ANAPC13: variants seen among roughly 807,000 people sequenced by gnomAD.
ANAPC13 encodes anaphase-promoting complex subunit 13.
In ANAPC13, 9 loss-of-function variants were observed where a neutral mutation model predicts 9.6. The observed-to-expected ratio is 0.94, with a 90% CI of 0.57 to 1.64. The LOEUF (loss-of-function observed/expected upper bound fraction) is 1.64, where lower values mean the gene tolerates loss of function less well. ANAPC13 is among the 40% of genes most tolerant of loss of function. The pLI is 0.00. For synonymous variants in ANAPC13, 30 were observed against 29.7 expected, an observed-to-expected ratio of 1.01 and a Z score of -0.03; for missense variants, 75 against 85.3, an observed-to-expected ratio of 0.88 and a Z score of 0.48.
intron 1 of ANAPC13, among the ~76,000 whole-genome samples, chr3:134,483,542 G>T (rs1415724093): frequency 6.6e-6 from 1 of 152,128 alleles, no homozygotes; most frequent in African/African-American, 2.4e-5. Context: ...AATTCTTAAC[G>T]CTACACTCCC....
chr3:134,485,867 T>G, intron 1 of ANAPC13, 85 bp downstream of exon 1: 1 of 461,984 alleles, frequency 2.2e-6, no homozygotes, highest in Non-Finnish European at 2.8e-6. Context: ...CCTCGGCCGA[T>G]GGGAATAGGG....
chr3:134,482,221 C>T (rs1170695876), intron 2 of ANAPC13, among the ~76,000 whole-genome samples: 1 of 152,174 alleles, frequency 6.6e-6, no homozygotes, highest in African/African-American at 2.4e-5. Context: ...TTTAAACAAA[C>T]ATTTATATAA....
chr3:134,479,399 G>A (rs1437413837), intron 2 of ANAPC13, among the ~76,000 whole-genome samples: 8 of 152,052 alleles, frequency 5.3e-5, no homozygotes, highest in African/African-American at 1.4e-4. Context: ...GAGCAATGGC[G>A]TGATCTCGGC....
In ANAPC13 at chr3:134,480,144, T is replaced by C. The variant is rs1299299857; in HGVS notation, c.100-1429A>G. ...TGAACAGATTGAGAAGAGCTATCAT[T>C]TATTGTAACGCAATAATATATTATC... is the stretch of plus-strand genomic sequence containing the variant. On this transcript the variant is annotated intron_variant, in intron 2 of 2. Coordinates refer to ENST00000354910, the MANE Select transcript of ANAPC13 (RefSeq NM_015391.4). 2.0e-5 allele frequency among the ~76,000 whole-genome samples: 3 copies of C among 152,354 alleles called. No homozygotes were observed. The East Asian group carries it at 5.8e-4, about 29-fold the overall frequency.
Position 134,478,443 on chromosome 3 carries a change from C to T in ANAPC13, c.*147G>A, listed in dbSNP as rs902481275. Reference sequence around the variant, plus strand: ...GAAATCTCAGTTTCTCATTCAATTTCGCATTGCACTTTGCTACCACAAACT... The same window carrying T: ...GAAATCTCAGTTTCTCATTCAATTTTGCATTGCACTTTGCTACCACAAACT... On this transcript the variant is annotated 3_prime_UTR_variant, in exon 3 of 3. Transcript: ENST00000354910. The T allele has an allele frequency of 9.9e-6, 10 of 1,012,574 alleles. No homozygotes were observed. Among genetic ancestry groups the T allele is most frequent in the South Asian group, 3.7e-5 (2 of 54,560 alleles). The allele number at this position is 1,012,574 out of a possible 1,614,324, so 62.7% of individuals were successfully genotyped here.
At chr3:134,484,117 C>T (rs1359811258) in intron 1 of ANAPC13, among the ~76,000 whole-genome samples, 1 of 152,190 alleles carries the variant, frequency 6.6e-6, no homozygotes, top group Non-Finnish European at 1.5e-5. Context: ...CGCGGTGGCT[C>T]GCGCCTGTAA....
In ANAPC13 at chr3:134,478,612, T is replaced by C. The variant is rs772450733; in HGVS notation, c.203A>G (p.Asn68Ser). The change falls in exon 3 of 3, where the codon AAT becomes AGT. Residue 68 changes from asparagine (N) to serine (S), a missense_variant. Asn to Ser is a conservative substitution (Grantham distance 46). Coordinates refer to ENST00000354910, the MANE Select transcript of ANAPC13 (RefSeq NM_015391.4). ...TDLALQYLHENVPPIGN is the reference protein window; with the variant it reads ...TDLALQYLHESVPPIGN ...GCGTCAGTTTCCAATGGGGGGAACA[T>C]TCTCATGGAGGTACTGTAAGGCTAA... 2 of 1,613,890 alleles carry C rather than the reference T, an allele frequency of 1.2e-6. No homozygotes were observed. Among genetic ancestry groups the C allele is most frequent in the African/African-American group, 1.3e-5 (1 of 75,030 alleles).
chr3:134,483,515 C>T (rs1042214524), intron 1 of ANAPC13, among the ~76,000 whole-genome samples: 7 of 152,332 alleles, frequency 4.6e-5, no homozygotes, highest in Admixed American at 3.9e-4. Context: ...GCTCCTTCCT[C>T]GGAGGTTCCT....
chr3:134,484,365 C>A (rs149990311), intron 1 of ANAPC13, among the ~76,000 whole-genome samples: 644 of 149,906 alleles, frequency 4.3e-3, no homozygotes, highest in Non-Finnish European at 7.2e-3. Context: ...CCAGCCTGGG[C>A]GACAGAGCAA....
intron 2 of ANAPC13, among the ~76,000 whole-genome samples, chr3:134,482,306 A>G (rs1198720409): frequency 6.6e-6 from 1 of 152,240 alleles, no homozygotes; most frequent in Non-Finnish European, 1.5e-5. Context: ...GATGGGGAAG[A>G]AAAGAGTATT....
At chr3:134,479,194 T>C (rs1384802568) in intron 2 of ANAPC13, among the ~76,000 whole-genome samples, 1 of 152,202 alleles carries the variant, frequency 6.6e-6, no homozygotes, top group Non-Finnish European at 1.5e-5. Flanking sequence ...TCAAGGAATA[T>C]TTGCTATTAT....
chr3:134,485,765 C>T (rs1576624720), intron 1 of ANAPC13, 187 bp downstream of exon 1: 2 of 158,836 alleles, frequency 1.3e-5, no homozygotes, highest in Admixed American at 6.5e-5. Flanking sequence ...AACGTGGAAG[C>T]GGAGACGGGG....
chr3:134,485,894 G>C (rs1935102464), intron 1 of ANAPC13, 58 bp downstream of exon 1: 2 of 717,630 alleles, frequency 2.8e-6, no homozygotes, highest in Non-Finnish European at 3.4e-6. Flanking sequence ...CCGACACTGA[G>C]CAACGAACGC....
intron 1 of ANAPC13, chr3:134,483,274 C>T (rs1934781204): frequency 4.8e-6 from 1 of 208,720 alleles, no homozygotes; most frequent in Non-Finnish European, 9.8e-6. Context: ...GTTTGTGATG[C>T]CTTTGATGAG....
Position 134,478,672 on chromosome 3 carries a change from T to A in ANAPC13, c.143A>T (p.Glu48Val). ...CTTCATTTCTTGTTCTTTGACAGAT[T>A]CTGTGGTGCCACCATTGTCTTGTTC... ...EPEQDNGGTT[E>V]SVKEQEMKWT... is the part of the protein sequence containing the mutation. The change falls in exon 3 of 3, where the codon GAA becomes GTA. Residue 48 changes from glutamate (E) to valine (V), a missense_variant. Coordinates refer to ENST00000354910, the MANE Select transcript of ANAPC13 (RefSeq NM_015391.4). 1 of 1,614,182 alleles carries A rather than the reference T, an allele frequency of 6.2e-7. No homozygotes were observed. The highest frequency in any genetic ancestry group is 8.5e-7 in the Non-Finnish European group (1 of 1,180,012).
intron 2 of ANAPC13, among the ~76,000 whole-genome samples, chr3:134,482,345 G>GAATA (rs2107701602): frequency 6.6e-6 from 1 of 152,326 alleles, no homozygotes; most frequent in East Asian, 1.9e-4. Context: ...AAACGCAAAA[G>GAATA]AATACCCAGG....
At chr3:134,482,173 G>A (rs866566494) in intron 2 of ANAPC13, among the ~76,000 whole-genome samples, 3 of 152,128 alleles carry the variant, frequency 2.0e-5, no homozygotes, top group Admixed American at 1.3e-4. Context: ...AAACAGTCCT[G>A]TTTTCCCTTT....
At chr3:134,485,683 G>A (rs543921486) in intron 1 of ANAPC13, 12 of 152,378 alleles carry the variant, frequency 7.9e-5, no homozygotes, top group African/African-American at 2.6e-4. Flanking sequence ...GAGCCTCGCA[G>A]GCCACCACCA....
At chr3:134,481,378 C>G (rs1182994672) in intron 2 of ANAPC13, among the ~76,000 whole-genome samples, 4 of 152,158 alleles carry the variant, frequency 2.6e-5, no homozygotes, top group Non-Finnish European at 5.9e-5. Context: ...TGTCCCAAAG[C>G]CTTTCAAAAC....
Sources: gnomAD v4.1 joint callset for allele counts (sites outside exome capture counted in the v4.1 genomes callset) on GRCh38, gnomAD v4.1.1 for gene constraint, MANE v1.5 for transcripts, NCBI Gene and HGNC (gene_info 2026-07-23, HGNC 2026-07-21) for gene names.